CCSER1: variants seen among roughly 807,000 people sequenced by gnomAD.
CCSER1 encodes the protein coiled-coil serine rich protein 1.
A neutral mutation model predicts 82.0 loss-of-function variants in CCSER1; 41 were observed. The observed-to-expected ratio is 0.50, with a 90% CI of 0.39 to 0.65. The LOEUF is 0.65. CCSER1 is among the 30% of genes least tolerant of loss of function. CCSER1 has a pLI of 0.00. For missense variants in CCSER1, 1,119 were observed against 1,064.2 expected, an observed-to-expected ratio of 1.05 and a Z score of -0.72; for synonymous variants, 414 against 383.9, an observed-to-expected ratio of 1.08 and a Z score of -0.92.
chr4:91,439,312 GT>G, intron 10 of CCSER1, among the ~76,000 whole-genome samples: 1 of 152,312 alleles, frequency 6.6e-6, no homozygotes, highest in East Asian at 1.9e-4. Context: ...CCAGAAGAGA[GT>G]GGGGGCCAAT....
intron 8 of CCSER1, among the ~76,000 whole-genome samples, chr4:90,878,898 A>G (rs747059544): frequency 5.9e-5 from 9 of 152,238 alleles, no homozygotes; most frequent in African/African-American, 2.4e-5. Flanking sequence ...AGCTCTGGTC[A>G]TATAGTAATT....
intron 4 of CCSER1, among the ~76,000 whole-genome samples, chr4:90,450,027 CT>C (rs1407857065): frequency 6.6e-6 from 1 of 152,240 alleles, no homozygotes; most frequent in Non-Finnish European, 1.5e-5. Context: ...ATCAATCCCC[CT>C]TCTGAAGAGG....
At position 90,660,896 on chromosome 4, in the gene CCSER1, A is replaced by G. The variant is rs181239885; in HGVS notation, c.1932+32664A>G. ...TTATTTGCAAAGTAGCATATTAATA[A>G]TTGCCTTGCAATTTTGAGATGAAGA... On this transcript the variant is annotated intron_variant, in intron 6 of 10. Transcript: ENST00000509176. Among the ~76,000 whole-genome samples the G allele has an allele frequency of 2.0e-5, 3 of 152,272 alleles. No homozygotes were observed. In the East Asian group the frequency reaches 5.8e-4, roughly 29 times the overall value.
chr4:90,844,347 C>G (rs1762943426), intron 8 of CCSER1, among the ~76,000 whole-genome samples: 2 of 152,070 alleles, frequency 1.3e-5, no homozygotes, highest in African/African-American at 4.8e-5. Flanking sequence ...GGCATTGATT[C>G]ACATTTTTAC....
At chr4:91,227,621 A>G (rs1199604138) in intron 10 of CCSER1, among the ~76,000 whole-genome samples, 1 of 151,840 alleles carries the variant, frequency 6.6e-6, no homozygotes, top group Non-Finnish European at 1.5e-5. Context: ...CCATCACCCA[A>G]ATATTGAACA....
At chr4:91,152,155 C>T (rs1235930719) in intron 10 of CCSER1, among the ~76,000 whole-genome samples, 9 of 152,150 alleles carry the variant, frequency 5.9e-5, no homozygotes, top group Non-Finnish European at 1.5e-5. Context: ...AATCTGGGTG[C>T]TCCTGTATTA....
At chr4:91,105,681 G>A (rs750419453) in intron 10 of CCSER1, among the ~76,000 whole-genome samples, 3 of 152,068 alleles carry the variant, frequency 2.0e-5, no homozygotes, top group Non-Finnish European at 4.4e-5. Context: ...TCCAGCCTGG[G>A]TGACAGAGTG....
chr4:91,549,054 T>C (rs1042141548), intron 10 of CCSER1, among the ~76,000 whole-genome samples: 1 of 152,306 alleles, frequency 6.6e-6, no homozygotes, highest in East Asian at 1.9e-4. Context: ...TGTTTGTTTT[T>C]CAGCCTTTTT....
At chr4:90,787,351 C>T (rs1363109489) in intron 7 of CCSER1, among the ~76,000 whole-genome samples, 2 of 152,138 alleles carry the variant, frequency 1.3e-5, no homozygotes, top group African/African-American at 4.8e-5. Flanking sequence ...GCAAAGGCCA[C>T]GGAGTTATGA....
intron 5 of CCSER1, among the ~76,000 whole-genome samples, chr4:90,599,884 C>T (rs1783830193): frequency 6.6e-6 from 1 of 152,212 alleles, no homozygotes; most frequent in Admixed American, 6.5e-5. Flanking sequence ...ATCCCTCCTG[C>T]TGTGGCTCCA....
rs145208392 is a variant in CCSER1 at position 90,358,783 on chromosome 4, A to C, written c.1510-41253A>C. Among the ~76,000 whole-genome samples the C allele has an allele frequency of 7.9e-3, 1,206 of 152,310 alleles. 17 individuals carry two copies. The highest frequency in any genetic ancestry group is 0.025 in the African/African-American group (1,032 of 41,580). On this transcript the variant is annotated intron_variant, in intron 3 of 10. Coordinates refer to ENST00000509176, the MANE Select transcript of CCSER1 (RefSeq NM_001145065.2). ...TTGAGTTAATAAATTGCAAACAGGC[A>C]TCAGGGAATTGTCATTTTTGACTCT...
intron 1 of CCSER1, among the ~76,000 whole-genome samples, chr4:90,161,343 T>C (rs1267628632): frequency 2.0e-5 from 3 of 152,194 alleles, no homozygotes; most frequent in Non-Finnish European, 4.4e-5. Flanking sequence ...GTCTTACACA[T>C]AATCACTTAT....
At chr4:90,714,187 A>G (rs555946965) in intron 6 of CCSER1, among the ~76,000 whole-genome samples, 2 of 151,896 alleles carry the variant, frequency 1.3e-5, no homozygotes, top group Non-Finnish European at 2.9e-5. Flanking sequence ...CTAAAAATAT[A>G]TATTTTATTT....
At chr4:90,932,933 A>AG (rs1425773877) in intron 9 of CCSER1, among the ~76,000 whole-genome samples, 9 of 32,946 alleles carry the variant, frequency 2.7e-4, no homozygotes, top group African/African-American at 1.6e-3. Context: ...AAAGAAAGAA[A>AG]GAAAGAAAGA....
At chr4:90,845,355 C>T (rs1048632394) in intron 8 of CCSER1, among the ~76,000 whole-genome samples, 43 of 119,504 alleles carry the variant, frequency 3.6e-4, no homozygotes, top group African/African-American at 1.4e-3. Context: ...AGTGAGACGC[C>T]ATCTAAAAAA....
chr4:90,257,671 C>T (rs1272934097), intron 1 of CCSER1, among the ~76,000 whole-genome samples: 1 of 152,100 alleles, frequency 6.6e-6, no homozygotes, highest in Non-Finnish European at 1.5e-5. Flanking sequence ...GGAATTGGCT[C>T]ACACGATTAT....
intron 3 of CCSER1, among the ~76,000 whole-genome samples, chr4:90,384,881 C>G (rs1749769345): frequency 6.6e-6 from 1 of 152,120 alleles, no homozygotes; most frequent in Non-Finnish European, 1.5e-5. Flanking sequence ...AAATCTCACT[C>G]CTCCTTGCAC....
At chr4:91,445,509 A>G (rs1198979929) in intron 10 of CCSER1, among the ~76,000 whole-genome samples, 1 of 151,970 alleles carries the variant, frequency 6.6e-6, no homozygotes, top group Non-Finnish European at 1.5e-5. Flanking sequence ...TGAATAAGAG[A>G]AATGTTGACA....
intron 8 of CCSER1, among the ~76,000 whole-genome samples, chr4:90,842,640 G>A (rs1225826922): frequency 6.6e-6 from 1 of 152,166 alleles, no homozygotes; most frequent in East Asian, 1.9e-4. Context: ...ATCAGAAAAT[G>A]AAGCAGGAAA....
Sources: gnomAD v4.1 joint callset for allele counts (sites outside exome capture counted in the v4.1 genomes callset) on GRCh38, gnomAD v4.1.1 for gene constraint, MANE v1.5 for transcripts, NCBI Gene and HGNC (gene_info 2026-07-23, HGNC 2026-07-21) for gene names.